Variants in TAFA2 observed in about 807,000 individuals in gnomAD.
TAFA2 encodes chemokine-like protein TAFA-2.
In TAFA2, 7 loss-of-function variants were observed where a neutral mutation model predicts 18.8. The ratio of observed to expected loss-of-function variants is 0.37; its 90% CI spans 0.21 to 0.70. The LOEUF is 0.70. Ranked by LOEUF, TAFA2 falls within the 30% of genes least tolerant of loss-of-function variation. TAFA2 has a pLI of 0.53. For missense variants in TAFA2, 122 were observed against 158.1 expected (o/e 0.77, Z 1.23); for synonymous variants, 60 against 54.2 (o/e 1.11, Z -0.47).
At chr12:61,906,424 C>T (rs934385726) in intron 1 of TAFA2, among the ~76,000 whole-genome samples, 8 of 152,186 alleles carry the variant, frequency 5.3e-5, no homozygotes, top group South Asian at 2.1e-4. Context: ...TAAGACGTGA[C>T]TTTGTTCCTC....
intron 4 of TAFA2, among the ~76,000 whole-genome samples, chr12:61,715,570 T>C (rs528044606): frequency 6.6e-6 from 1 of 151,868 alleles, no homozygotes; most frequent in African/African-American, 2.4e-5. Context: ...GCCAGGATGG[T>C]CTCAATCTCT....
intron 2 of TAFA2, among the ~76,000 whole-genome samples, chr12:61,849,620 A>T (rs896043080): frequency 1.3e-5 from 2 of 152,182 alleles, no homozygotes; most frequent in African/African-American, 4.8e-5. Flanking sequence ...TACAGGAGAC[A>T]CTTAAATTAT....
chr12:62,193,743 T>C (rs1294188936), upstream of TAFA2, among the ~76,000 whole-genome samples: 11 of 152,350 alleles, frequency 7.2e-5, no homozygotes, highest in East Asian at 2.1e-3. Context: ...CTATTTGAGC[T>C]GGGGGTTTGC....
upstream of TAFA2, among the ~76,000 whole-genome samples, chr12:62,197,719 C>T (rs2136965871): frequency 6.6e-6 from 1 of 152,164 alleles, no homozygotes; most frequent in East Asian, 1.9e-4. Context: ...CTTTTTTTGT[C>T]AGGCTTCTTC....
chr12:62,062,576 GT>G (rs1443538381), intron 1 of TAFA2, among the ~76,000 whole-genome samples: 1 of 152,092 alleles, frequency 6.6e-6, no homozygotes, highest in Non-Finnish European at 1.5e-5. Flanking sequence ...GTATGGAGAC[GT>G]TAACACACCT....
intron 4 of TAFA2, among the ~76,000 whole-genome samples, chr12:61,744,714 C>A (rs1868617246): frequency 6.6e-6 from 1 of 152,034 alleles, no homozygotes; most frequent in Non-Finnish European, 1.5e-5. Flanking sequence ...GCCACCACAT[C>A]TGCCTAATTT....
At chr12:61,812,135 G>C (rs1345351436) in intron 2 of TAFA2, among the ~76,000 whole-genome samples, 3 of 151,378 alleles carry the variant, frequency 2.0e-5, no homozygotes, top group Non-Finnish European at 4.4e-5. Flanking sequence ...GAGTTTCCAG[G>C]AGACAAGACC....
intron 1 of TAFA2, among the ~76,000 whole-genome samples, chr12:62,154,351 T>G (rs184904629): frequency 3.3e-5 from 5 of 152,240 alleles, no homozygotes; most frequent in Admixed American, 3.3e-4. Context: ...AGACAAAGCT[T>G]TCCAGATCAG....
At chr12:62,207,496 G>A (rs1490996326) in intron 1 of TAFA2, among the ~76,000 whole-genome samples, 1 of 151,668 alleles carries the variant, frequency 6.6e-6, no homozygotes, top group Admixed American at 6.6e-5. Context: ...ACACATACAC[G>A]AGACAAGAAG....
At chr12:62,236,692 T>C (rs2062839284) in intron 1 of TAFA2, among the ~76,000 whole-genome samples, 1 of 152,248 alleles carries the variant, frequency 6.6e-6, no homozygotes, top group South Asian at 2.1e-4. Context: ...GAAGACTTTA[T>C]CTCTGCTTTA....
At chr12:62,181,413 A>C (rs759156754) in intron 1 of TAFA2, among the ~76,000 whole-genome samples, 7 of 152,356 alleles carry the variant, frequency 4.6e-5, no homozygotes, top group Middle Eastern at 3.4e-3. Flanking sequence ...AGTCTAACAG[A>C]TTCAGTGGAA....
At chr12:61,853,398 AT>A (rs1873758155) in intron 2 of TAFA2, among the ~76,000 whole-genome samples, 4 of 152,218 alleles carry the variant, frequency 2.6e-5, no homozygotes, top group African/African-American at 9.6e-5. Flanking sequence ...GAGGAAGAGT[AT>A]AAAAAAAATT....
At chr12:62,088,391 G>C (rs1282088451) in intron 1 of TAFA2, among the ~76,000 whole-genome samples, 1 of 151,918 alleles carries the variant, frequency 6.6e-6, no homozygotes, top group African/African-American at 2.4e-5. Context: ...GAGAAAAGGA[G>C]CAATTCCCAG....
chr12:61,961,592 A>T (rs1333833252), intron 1 of TAFA2, among the ~76,000 whole-genome samples: 1 of 152,008 alleles, frequency 6.6e-6, no homozygotes, highest in African/African-American at 2.4e-5. Flanking sequence ...TTAAGAAGCT[A>T]TAGCTTAAAG....
chr12:62,131,288 G>C (rs1176261766), intron 1 of TAFA2, among the ~76,000 whole-genome samples: 3 of 151,974 alleles, frequency 2.0e-5, no homozygotes, highest in Non-Finnish European at 2.9e-5. Flanking sequence ...TCCACACACA[G>C]AGAAAGAAAA....
chr12:61,791,505 G>A (rs1444935664), intron 2 of TAFA2, among the ~76,000 whole-genome samples: 1 of 151,560 alleles, frequency 6.6e-6, no homozygotes, highest in African/African-American at 2.4e-5. Context: ...GAATATCTAA[G>A]GCACTCAACC....
Position 61,710,188 on chromosome 12 carries a change from A to G in TAFA2, c.*218T>C, listed in dbSNP as rs1191170532. ...TTTTAACAATTTACAAGTTGAACAC[A>G]GTTCAAATCTGCTGAAATCTTCATG... is the stretch of plus-strand genomic sequence containing the variant. On this transcript the variant is annotated 3_prime_UTR_variant, in exon 5 of 5. Transcript: ENST00000416284. 4.0e-6 allele frequency: 2 copies of G among 504,898 alleles called. No individual in the cohort carries two copies. The highest frequency in any genetic ancestry group is 2.0e-5 in the African/African-American group (1 of 50,886). The allele number at this position is 504,898 out of a possible 1,614,324, so 31.3% of individuals were successfully genotyped here.
chr12:62,062,207 T>C (rs920129940), intron 1 of TAFA2, among the ~76,000 whole-genome samples: 2 of 152,110 alleles, frequency 1.3e-5, no homozygotes, highest in African/African-American at 4.8e-5. Context: ...TAAAACTCCC[T>C]TACCTGGCCA....
chr12:61,713,387 T>C (rs1869504153), intron 4 of TAFA2, among the ~76,000 whole-genome samples: 1 of 152,206 alleles, frequency 6.6e-6, no homozygotes, highest in Non-Finnish European at 1.5e-5. Context: ...ACTGCATGAT[T>C]CACAAATTGT....
Sources: allele counts gnomAD v4.1 joint callset (sites outside exome capture counted in the v4.1 genomes callset), GRCh38; gene constraint gnomAD v4.1.1; transcripts MANE v1.5; gene names NCBI Gene and HGNC (gene_info 2026-07-23, HGNC 2026-07-21).